Variants in CDH18 observed in about 807,000 individuals in gnomAD.
CDH18 encodes cadherin-18.
Under a neutral mutation model 67.9 loss-of-function variants are expected in CDH18, and 31 were observed. That is an observed-to-expected ratio of 0.46 (90% CI 0.34 to 0.62). CDH18 has a LOEUF of 0.62. CDH18 is among the 20% of genes least tolerant of loss of function. CDH18 has a pLI of 0.01. For missense variants in CDH18, 890 were observed against 975.5 expected (o/e 0.91, Z 1.17); for synonymous variants, 362 against 347.2 (o/e 1.04, Z -0.48).
At chr5:20,095,299 AAAAGAAAGAAAGAAAGAAAG>A (rs201165191) in intron 2 of CDH18, among the ~76,000 whole-genome samples, 13,821 of 72,810 alleles carry the variant, frequency 0.19, 1,665 homozygotes, top group Middle Eastern at 0.36. Context: ...AACTTAAAGT[AAAAGAAAGAAAGAAAGAAAG>A]AAAGAAAGAA....
intron 2 of CDH18, among the ~76,000 whole-genome samples, chr5:20,110,162 T>C (rs1747335304): frequency 6.6e-6 from 1 of 152,236 alleles, no homozygotes; most frequent in Admixed American, 6.5e-5. Context: ...CCAAAGCTTC[T>C]CTTCCACGGA....
intron 5 of CDH18, among the ~76,000 whole-genome samples, chr5:19,698,977 T>C (rs1399522263): frequency 2.0e-5 from 3 of 152,282 alleles, no homozygotes; most frequent in African/African-American, 4.8e-5. Flanking sequence ...CCAAACATAA[T>C]TGAGTCCCCA....
intron 11 of CDH18, among the ~76,000 whole-genome samples, chr5:19,501,764 A>G (rs1361552111): frequency 6.6e-6 from 1 of 152,202 alleles, no homozygotes; most frequent in East Asian, 1.9e-4. Context: ...TCTCCTAAGG[A>G]AGCAAGTTAA....
At chr5:20,271,633 T>C (rs925576414) in intron 1 of CDH18, among the ~76,000 whole-genome samples, 7 of 151,812 alleles carry the variant, frequency 4.6e-5, no homozygotes, top group Non-Finnish European at 8.8e-5. Context: ...ACCACACACG[T>C]CACACACACT....
At chr5:20,125,266 T>G (rs923975268) in intron 2 of CDH18, among the ~76,000 whole-genome samples, 3 of 149,848 alleles carry the variant, frequency 2.0e-5, no homozygotes, top group Admixed American at 6.8e-5. Context: ...AGTGAAGTAT[T>G]GGCTCAATAA....
chr5:20,024,606 AAG>A (rs1738724577), intron 2 of CDH18, among the ~76,000 whole-genome samples: 1 of 152,206 alleles, frequency 6.6e-6, no homozygotes, highest in Admixed American at 6.5e-5. Flanking sequence ...GAGAATAAAA[AAG>A]AGAATGATAA....
chr5:20,470,444 C>T (rs1751967240), intron 1 of CDH18, among the ~76,000 whole-genome samples: 1 of 152,116 alleles, frequency 6.6e-6, no homozygotes, highest in African/African-American at 2.4e-5. Flanking sequence ...TTATTCCCTT[C>T]TCTTTCATAC....
At position 19,907,178 on chromosome 5, in the gene CDH18, A is replaced by T. The variant is rs1039641752; in HGVS notation, c.-256-67936T>A. The stretch of plus-strand genomic sequence containing the variant: ...AATGCAAGACATTGCCATATAAAAA[A>T]ATTCATGGTTATGTGTGTTTCAGAA... On this transcript the variant is annotated intron_variant, in intron 2 of 12. Transcript: ENST00000382275. Among the ~76,000 whole-genome samples, 3 of 151,974 alleles carry T rather than the reference A, an allele frequency of 2.0e-5. No individual in the cohort carries two copies. In the East Asian group the frequency reaches 5.8e-4, roughly 29 times the overall value.
chr5:20,506,799 T>G (rs1581125122), intron 1 of CDH18, among the ~76,000 whole-genome samples: 1 of 152,230 alleles, frequency 6.6e-6, no homozygotes, highest in East Asian at 1.9e-4. Flanking sequence ...TGTCATTTTT[T>G]CTACCAAGTG....
At chr5:20,496,953 T>A (rs1753943477) in intron 1 of CDH18, among the ~76,000 whole-genome samples, 1 of 151,690 alleles carries the variant, frequency 6.6e-6, no homozygotes, top group African/African-American at 2.4e-5. Flanking sequence ...GAAGGAGCTG[T>A]GGGTGCTAGT....
At chr5:20,509,242 C>G (rs1754864431) in intron 1 of CDH18, among the ~76,000 whole-genome samples, 1 of 152,064 alleles carries the variant, frequency 6.6e-6, no homozygotes, top group Non-Finnish European at 1.5e-5. Context: ...TTTCTTCAAT[C>G]CCTAACCGCA....
At chr5:19,734,841 T>C (rs966325036) in intron 4 of CDH18, among the ~76,000 whole-genome samples, 4 of 152,198 alleles carry the variant, frequency 2.6e-5, no homozygotes, top group Admixed American at 6.5e-5. Flanking sequence ...TTTTGGTGTA[T>C]GGTCTCTGAC....
chr5:19,720,111 T>C (rs1765888615), intron 5 of CDH18, among the ~76,000 whole-genome samples: 1 of 152,136 alleles, frequency 6.6e-6, no homozygotes, highest in Non-Finnish European at 1.5e-5. Context: ...TCTAGTGGTA[T>C]TAGCTAGAGA....
At chr5:20,485,448 C>T (rs1410823949) in intron 1 of CDH18, among the ~76,000 whole-genome samples, 1 of 152,130 alleles carries the variant, frequency 6.6e-6, no homozygotes, top group African/African-American at 2.4e-5. Flanking sequence ...AGAACATATA[C>T]TTGTGGAAGG....
rs34609844 is a variant in CDH18, at chr5:20,334,131, C to CTTTTTTT, written c.-579-78633_-579-78627dup. Among the ~76,000 whole-genome samples, 59 of 81,636 alleles carry CTTTTTTT rather than the reference C, an allele frequency of 7.2e-4. 9 individuals carry two copies. Among genetic ancestry groups the CTTTTTTT allele is most frequent in the African/African-American group, 3.0e-3 (57 of 19,186 alleles). 53.6% of individuals were successfully genotyped at this position (81,636 alleles called of 152,430 possible). A position where few individuals can be genotyped will look rare whatever the true frequency, so the allele number is the denominator to read the frequency against. On this transcript the variant is annotated intron_variant, in intron 1 of 14. Coordinates refer to the CDH18 transcript ENST00000507958. ...TAAATGTATAAATCTGACTTGAATT[C>CTTTTTTT]TTTTTTTTTTTTTTTTTTTTTGAGA...
At chr5:19,933,926 T>C (rs988036329) in intron 2 of CDH18, among the ~76,000 whole-genome samples, 1 of 151,382 alleles carries the variant, frequency 6.6e-6, no homozygotes, top group Non-Finnish European at 1.5e-5. Flanking sequence ...TTATCTCTAG[T>C]TTGGATCTAT....
intron 2 of CDH18, among the ~76,000 whole-genome samples, chr5:20,081,993 T>C (rs1744517850): frequency 6.6e-6 from 1 of 152,212 alleles, no homozygotes. Flanking sequence ...AATATTAGTC[T>C]AAATCACTTG....
chr5:20,403,042 G>A (rs1471500701), intron 1 of CDH18, among the ~76,000 whole-genome samples: 2 of 151,690 alleles, frequency 1.3e-5, no homozygotes, highest in African/African-American at 4.9e-5. Context: ...AAATAGCGAG[G>A]TGTGGTGGCA....
At chr5:20,416,630 A>G (rs1161280323) in intron 1 of CDH18, among the ~76,000 whole-genome samples, 1 of 152,106 alleles carries the variant, frequency 6.6e-6, no homozygotes, top group Non-Finnish European at 1.5e-5. Context: ...ATTTTTAGTT[A>G]TTAAATTATG....
Sources: gnomAD v4.1 joint callset for allele counts (sites outside exome capture counted in the v4.1 genomes callset) on GRCh38, gnomAD v4.1.1 for gene constraint, MANE v1.5 for transcripts, NCBI Gene and HGNC (gene_info 2026-07-23, HGNC 2026-07-21) for gene names.